The following EPAS1 variants were observed in gnomAD, a reference collection of about 807,000 sequenced individuals.
EPAS1 encodes endothelial PAS domain protein 1.
A neutral mutation model predicts 87.9 loss-of-function variants in EPAS1; 23 were observed. The ratio of observed to expected loss-of-function variants is 0.26; its 90% CI spans 0.19 to 0.37. EPAS1 has a LOEUF of 0.37. Ranked by LOEUF, EPAS1 falls within the 10% of genes least tolerant of loss-of-function variation. The pLI, the probability that EPAS1 is intolerant of heterozygous loss-of-function variation, is 1.00. For synonymous variants in EPAS1, 508 were observed against 444.3 expected (o/e 1.14, Z -1.80); for missense variants, 1,138 against 1,120.7 (o/e 1.02, Z -0.22).
Position 46,347,527 on chromosome 2 carries a change from G to T in EPAS1, c.217+464G>T. 1 of 249,804 alleles carries T rather than the reference G, an allele frequency of 4.0e-6. No homozygotes were observed. Among genetic ancestry groups the T allele is most frequent in the Non-Finnish European group, 8.0e-6 (1 of 125,738 alleles). 15.5% of individuals were successfully genotyped at this position (249,804 alleles called of 1,614,324 possible). On this transcript the variant is annotated intron_variant, in intron 2 of 15. Transcript: ENST00000263734. The surrounding 1 kb of genome is among the most constrained non-coding windows in gnomAD (Gnocchi z 4.2). ...CCAGTTAGGCCAAGTAAATCATTTA[G>T]TCTCTCTGAACATTGGTTTCCTCGT...
At chr2:46,372,578 T>C (rs1344844511) in intron 7 of EPAS1, among the ~76,000 whole-genome samples, 1 of 152,258 alleles carries the variant, frequency 6.6e-6, no homozygotes, top group Non-Finnish European at 1.5e-5. Context: ...TAGGGGTCAG[T>C]CTCCCTTTGT....
In EPAS1 at chr2:46,346,451, T is replaced by A. The variant is rs1160234640; in HGVS notation, c.27-422T>A. The stretch of plus-strand genomic sequence containing the variant: ...AAAAAGAACCTTAAAGCAGTTTTTT[T>A]ATCTTGTTCTCCAGAGCCCTTGACA... On this transcript the variant is annotated intron_variant, in intron 1 of 15. Coordinates refer to ENST00000263734, the MANE Select transcript of EPAS1 (RefSeq NM_001430.5). This position sits in a 1 kb window ranked among gnomAD's most constrained non-coding sequence, Gnocchi z 4.0. 1.3e-5 allele frequency among the ~76,000 whole-genome samples: 2 copies of A among 152,232 alleles called. No homozygotes were observed. The highest frequency in any genetic ancestry group is 1.9e-4 in the East Asian group (1 of 5,200).
intron 1 of EPAS1, among the ~76,000 whole-genome samples, chr2:46,316,405 C>T (rs1026096765): frequency 1.3e-5 from 2 of 152,056 alleles, no homozygotes; most frequent in African/African-American, 4.8e-5. Flanking sequence ...GATTTACAGA[C>T]ATGTGCTGCC....
In EPAS1 at chr2:46,375,910, A is replaced by C; in HGVS notation, c.1034+73A>C. ...GCCCAAGCTTCCCAGACTCAGGATGACAGGCCTAGGAGATGCCAGGCCTCT... is the reference window on the plus strand; with the variant it reads ...GCCCAAGCTTCCCAGACTCAGGATGCCAGGCCTAGGAGATGCCAGGCCTCT... On this transcript the variant is annotated intron_variant, in intron 8 of 15. Coordinates refer to ENST00000263734, the MANE Select transcript of EPAS1 (RefSeq NM_001430.5). This position sits in a 1 kb window ranked among gnomAD's most constrained non-coding sequence, Gnocchi z 4.1. 6.2e-7 allele frequency: 1 copy of C among 1,606,018 alleles called. No homozygotes were observed. Among genetic ancestry groups the C allele is most frequent in the Non-Finnish European group, 8.5e-7 (1 of 1,174,200 alleles).
intron 7 of EPAS1, among the ~76,000 whole-genome samples, chr2:46,374,341 G>C (rs892634921): frequency 5.3e-5 from 8 of 152,084 alleles, no homozygotes; most frequent in Admixed American, 2.0e-4. Context: ...ACGTGTAACA[G>C]ACTGTCTGTG....
At chr2:46,318,181 T>TAGACACAC (rs1553390129) in intron 1 of EPAS1, among the ~76,000 whole-genome samples, 1 of 150,578 alleles carries the variant, frequency 6.6e-6, no homozygotes, top group Non-Finnish European at 1.5e-5. Flanking sequence ...GAGAGAGAGA[T>TAGACACAC]ACACACACAC....
chr2:46,326,557 G>A (rs1683569558), intron 1 of EPAS1, among the ~76,000 whole-genome samples: 1 of 152,136 alleles, frequency 6.6e-6, no homozygotes, highest in Non-Finnish European at 1.5e-5. Context: ...GGAAAAACAA[G>A]TATTTAAAGT....
chr2:46,308,463 G>GC (rs1553388773), intron 1 of EPAS1, among the ~76,000 whole-genome samples: 1 of 142,402 alleles, frequency 7.0e-6, no homozygotes, highest in Non-Finnish European at 1.5e-5. Context: ...TTTTTTTTGG[G>GC]GGGGGGGGCT....
rs140679254 is a variant in EPAS1, at chr2:46,378,024, C to A, written c.1380C>A (p.Pro460=). The A allele has an allele frequency of 6.2e-7, 1 of 1,603,788 alleles. No homozygotes were observed. The highest frequency in any genetic ancestry group is 1.7e-5 in the Admixed American group (1 of 59,156). ...EAGSLPAFTV[P]QAAAPGSTTP... is the part of the protein sequence containing the mutation. ...GGAGCCTGCCTGCCTTCACCGTGCC[C>A]CAGGCAGCTGCCCCGGGCAGCACCA... Residue 460 remains proline, a synonymous_variant, in exon 10 of 16, where the codon CCC becomes CCA. Transcript: ENST00000263734.
chr2:46,322,406 T>C (rs1683471733), intron 1 of EPAS1, among the ~76,000 whole-genome samples: 5 of 152,190 alleles, frequency 3.3e-5, no homozygotes. Flanking sequence ...CAGGACTTAT[T>C]TGTGACTCTT....
At chr2:46,351,446 A>C (rs962151009) in intron 2 of EPAS1, among the ~76,000 whole-genome samples, 1 of 152,188 alleles carries the variant, frequency 6.6e-6, no homozygotes, top group Non-Finnish European at 1.5e-5. Context: ...AAGGCATCAG[A>C]GGAGCCCAGG....
intron 2 of EPAS1, among the ~76,000 whole-genome samples, chr2:46,352,896 G>A (rs1030577662): frequency 2.0e-5 from 3 of 152,166 alleles, no homozygotes; most frequent in African/African-American, 4.8e-5. Flanking sequence ...AGCCGATTTC[G>A]CCACCTCCTG....
At chr2:46,340,425 C>G (rs552913399) in intron 1 of EPAS1, among the ~76,000 whole-genome samples, 4 of 152,282 alleles carry the variant, frequency 2.6e-5, no homozygotes, top group African/African-American at 9.6e-5. Flanking sequence ...GTATGAGATG[C>G]TTTCCAGGAT....
chr2:46,349,007 C>T (rs1014338397), intron 2 of EPAS1, among the ~76,000 whole-genome samples: 3 of 152,210 alleles, frequency 2.0e-5, no homozygotes, highest in Admixed American at 6.5e-5. Flanking sequence ...ACACATTTAG[C>T]ACATGGTGAA....
chr2:46,356,141 C>G lies in EPAS1; in HGVS notation c.218-10C>G, dbSNP rs55792993. 1.9e-4 allele frequency: 263 copies of G among 1,381,438 alleles called. 8 individuals carry two copies. The highest frequency in any genetic ancestry group is 2.4e-4 in the Non-Finnish European group (239 of 976,714). The allele number at this position is 1,381,438 out of a possible 1,614,324, so 85.6% of individuals were successfully genotyped here. ...TTCATGCAAGCTGTCCCACCCCCCC[C>G]CCTTTCCAGTTTGCTCTGAAAACGA... On this transcript the variant is annotated splice_polypyrimidine_tract_variant and intron_variant, in intron 2 of 15. Coordinates refer to ENST00000263734, the MANE Select transcript of EPAS1 (RefSeq NM_001430.5).
chr2:46,357,939 G>A (rs1684304515), intron 4 of EPAS1, among the ~76,000 whole-genome samples: 1 of 152,192 alleles, frequency 6.6e-6, no homozygotes, highest in Non-Finnish European at 1.5e-5. Flanking sequence ...GGTCAGAATT[G>A]GGGCTTAATG....
intron 1 of EPAS1, among the ~76,000 whole-genome samples, chr2:46,330,691 T>C (rs1683657340): frequency 6.6e-6 from 1 of 152,222 alleles, no homozygotes; most frequent in South Asian, 2.1e-4. Context: ...GGTTGCCCCA[T>C]GGTTCAGCTA....
intron 1 of EPAS1, among the ~76,000 whole-genome samples, chr2:46,339,624 G>A (rs1169791112): frequency 6.6e-6 from 1 of 152,242 alleles, no homozygotes; most frequent in Non-Finnish European, 1.5e-5. Flanking sequence ...TGATCCAAAT[G>A]TAAAGTGGTA....
At chr2:46,325,602 C>T (rs1292653644) in intron 1 of EPAS1, among the ~76,000 whole-genome samples, 13 of 152,264 alleles carry the variant, frequency 8.5e-5, no homozygotes, top group South Asian at 4.1e-4. Context: ...ATTGCTTAGC[C>T]GGAGAATTCT....
Sources: gnomAD v4.1 joint callset for allele counts (sites outside exome capture counted in the v4.1 genomes callset) on GRCh38, gnomAD v4.1.1 for gene constraint, Gnocchi (gnomAD v3.1) non-coding constraint, MANE v1.5 for transcripts, NCBI Gene and HGNC (gene_info 2026-07-23, HGNC 2026-07-21) for gene names.